The following CSF2RA variants were observed in gnomAD, a reference collection of about 807,000 sequenced individuals.
CSF2RA encodes the protein granulocyte-macrophage colony-stimulating factor receptor subunit alpha.
CSF2RA carries 42 observed loss-of-function variants against 51.6 expected under a neutral mutation model. The observed-to-expected ratio is 0.81, with a 90% CI of 0.64 to 1.05. The LOEUF is 1.05. Ranked by LOEUF, CSF2RA falls within the 50% of genes least tolerant of loss-of-function variation. The pLI is 0.00. For synonymous variants in CSF2RA, 222 were observed against 193.0 expected (o/e 1.15, Z -1.24); for missense variants, 530 against 501.1 (o/e 1.06, Z -0.55).
At chrX:1,322,478 G>A in the CSF2RA span, among the ~76,000 whole-genome samples, 1 of 136,746 alleles carries the variant, frequency 7.3e-6, no homozygotes. Flanking sequence ...GCTCTCCAGA[G>A]AAAGACCCTG....
chrX:1,319,098 C>T, the CSF2RA span, among the ~76,000 whole-genome samples: 3 of 148,404 alleles, frequency 2.0e-5, no homozygotes, highest in East Asian at 2.1e-4. Context: ...CGGGTTCAAG[C>T]GATTCTCCTG....
chrX:1,300,444 C>T (rs2092293265), intron 9 of CSF2RA, 47 bp from the exon 10 acceptor site: 2 of 1,611,076 alleles, frequency 1.2e-6, no homozygotes, highest in Non-Finnish European at 1.7e-6. Flanking sequence ...CAACCTTTTC[C>T]TCCACACAGA....
Position 1,309,760 on chromosome X carries a change from C to T in CSF2RA, c.*281C>T, listed in dbSNP as rs767381405. 10 of 670,846 alleles carry T rather than the reference C, an allele frequency of 1.5e-5. No individual in the cohort carries two copies. The highest frequency in any genetic ancestry group is 4.7e-5 in the Admixed American group (2 of 42,614). The allele number at this position is 670,846 out of a possible 1,614,324, so 41.6% of individuals were successfully genotyped here. The stretch of plus-strand genomic sequence containing the variant: ...AAATTTACCCAGGCACGGCGGCGGA[C>T]GCCCATCATCCCAGCTACTTGGGAG... On this transcript the variant is annotated 3_prime_UTR_variant, in exon 13 of 13. Transcript: ENST00000381529.
At chrX:1,315,708 A>G in the CSF2RA span, among the ~76,000 whole-genome samples, 1 of 152,124 alleles carries the variant, frequency 6.6e-6, no homozygotes, top group Non-Finnish European at 1.5e-5. Flanking sequence ...CCCAGCCATA[A>G]TGGATGAATT....
Position 1,305,950 on chromosome X carries a change from T to G in CSF2RA, c.1125+423T>G. 4.6e-6 allele frequency: 3 copies of G among 655,726 alleles called. No homozygotes were observed. The South Asian group carries it at 5.7e-5, about 12-fold the overall frequency. 40.6% of individuals were successfully genotyped at this position (655,726 alleles called of 1,614,324 possible). A position where few individuals can be genotyped will look rare whatever the true frequency, so the allele number is the denominator to read the frequency against. ...ACAAAAAATTAGCTGGGTGTGGTGGTGTACGCCTGAAATCCCAGTGACTCG... is the reference window on the plus strand; with the variant it reads ...ACAAAAAATTAGCTGGGTGTGGTGGGGTACGCCTGAAATCCCAGTGACTCG... On this transcript the variant is annotated intron_variant, in intron 12 of 12. Transcript: ENST00000381529.
At chrX:1,323,947 G>A in the CSF2RA span, among the ~76,000 whole-genome samples, 2 of 152,076 alleles carry the variant, frequency 1.3e-5, no homozygotes, top group East Asian at 1.9e-4. Context: ...CCGGGAGGCC[G>A]AGGTTGTGGT....
At chrX:1,291,136 A>G (rs2091352152) in intron 7 of CSF2RA, among the ~76,000 whole-genome samples, 1 of 151,838 alleles carries the variant, frequency 6.6e-6, no homozygotes, top group Admixed American at 6.6e-5. Context: ...TGGCCGGGCT[A>G]GTCTCGAACT....
chrX:1,269,321 G>A (rs1379584823), intron 1 of CSF2RA, among the ~76,000 whole-genome samples: 6 of 152,064 alleles, frequency 3.9e-5, no homozygotes, highest in Admixed American at 3.3e-4. Context: ...TCCGGAAGCC[G>A]TTTCGAGAGA....
At chrX:1,273,064 C>T (rs1275608070) in intron 1 of CSF2RA, among the ~76,000 whole-genome samples, 1 of 150,858 alleles carries the variant, frequency 6.6e-6, no homozygotes, top group Admixed American at 6.6e-5. Flanking sequence ...AAGTGATCCA[C>T]ACGCCTCAGC....
rs188439719 is a variant in CSF2RA at position 1,303,012 on chromosome X, C to G, written c.947-911C>G. 622 of 244,440 alleles carry G rather than the reference C, an allele frequency of 2.5e-3. 13 individuals are homozygous for G. The highest frequency in any genetic ancestry group is 0.014 in the African/African-American group (564 of 40,846). 15.1% of individuals were successfully genotyped at this position (244,440 alleles called of 1,614,324 possible). On this transcript the variant is annotated intron_variant, in intron 10 of 12. Coordinates refer to ENST00000381529, the MANE Select transcript of CSF2RA (RefSeq NM_172245.4). ...TCAGCCTCCCGAGTAGCTGGGATTA[C>G]AGACATGCATCACGCTTGGCCAATT...
intron 6 of CSF2RA, 83 bp downstream of exon 6, chrX:1,288,971 T>C: frequency 1.9e-6 from 3 of 1,585,028 alleles, no homozygotes; most frequent in East Asian, 2.2e-5. Flanking sequence ...TTTTCCTTTT[T>C]CTTTTTTTAA....
intron 4 of CSF2RA, 77 bp from the exon 5 acceptor site, chrX:1,288,442 A>C: frequency 6.3e-7 from 1 of 1,592,174 alleles, no homozygotes; most frequent in Non-Finnish European, 8.6e-7. Flanking sequence ...AGATCACGCC[A>C]CTGCACTCCA....
intron 1 of CSF2RA, among the ~76,000 whole-genome samples, chrX:1,274,284 G>C (rs1272931481): frequency 2.0e-5 from 3 of 151,876 alleles, no homozygotes; most frequent in Non-Finnish European, 4.4e-5. Flanking sequence ...AGGTGCTGTG[G>C]ATACACAGGG....
At chrX:1,323,956 G>A in the CSF2RA span, among the ~76,000 whole-genome samples, 43 of 152,116 alleles carry the variant, frequency 2.8e-4, no homozygotes, top group Non-Finnish European at 5.1e-4. Context: ...CGAGGTTGTG[G>A]TGAGCCAAGA....
chrX:1,310,005 G>C (rs2084084810), downstream of CSF2RA: 15 of 449,254 alleles, frequency 3.3e-5, no homozygotes, highest in East Asian at 5.5e-4. Flanking sequence ...GACCAGTCTG[G>C]GCAACATAGC....
intron 7 of CSF2RA, among the ~76,000 whole-genome samples, chrX:1,291,073 C>T (rs2091346875): frequency 6.6e-6 from 1 of 151,960 alleles, no homozygotes; most frequent in Non-Finnish European, 1.5e-5. Flanking sequence ...AGGTGCACAC[C>T]ACCACGCTCG....
chrX:1,301,148 G>A (rs113062769), intron 10 of CSF2RA, among the ~76,000 whole-genome samples: 32,619 of 142,038 alleles, frequency 0.23, 4,115 homozygotes, highest in East Asian at 0.29. Context: ...GTGAGACTCC[G>A]TCTCAAAAAA....
chrX:1,290,083 GTGTTT>G (rs1395409738), intron 6 of CSF2RA, among the ~76,000 whole-genome samples: 7 of 112,716 alleles, frequency 6.2e-5, no homozygotes, highest in East Asian at 6.0e-4. Flanking sequence ...TTGTGTTTTT[GTGTTT>G]TGTTTTGTGT....
At chrX:1,270,682 G>A (rs1457435497) in intron 1 of CSF2RA, among the ~76,000 whole-genome samples, 8 of 151,576 alleles carry the variant, frequency 5.3e-5, no homozygotes, top group South Asian at 2.1e-4. Context: ...CATATCTTGC[G>A]TCAGGAATGG....
Sources: gnomAD v4.1 joint callset for allele counts (sites outside exome capture counted in the v4.1 genomes callset) on GRCh38, gnomAD v4.1.1 for gene constraint, MANE v1.5 for transcripts, NCBI Gene and HGNC (gene_info 2026-07-23, HGNC 2026-07-21) for gene names.